Variants in NCOA2 observed in about 807,000 individuals in gnomAD.
NCOA2 encodes the protein nuclear receptor coactivator 2.
In NCOA2, 21 loss-of-function variants were observed where a neutral mutation model predicts 145.1. The ratio of observed to expected loss-of-function variants is 0.14; its 90% CI spans 0.10 to 0.21. NCOA2 has a LOEUF of 0.21. Ranked by LOEUF, NCOA2 falls within the 10% of genes least tolerant of loss-of-function variation. The pLI, the probability that NCOA2 is intolerant of heterozygous loss-of-function variation, is 1.00. For missense variants in NCOA2, 1,472 were observed against 1,837.6 expected (o/e 0.80, Z 3.64); for synonymous variants, 619 against 637.5 (o/e 0.97, Z 0.44).
intron 1 of NCOA2, among the ~76,000 whole-genome samples, chr8:70,343,468 T>A (rs1340946499): frequency 6.6e-6 from 1 of 151,890 alleles, no homozygotes; most frequent in Non-Finnish European, 1.5e-5. Flanking sequence ...TTCTCTTTCA[T>A]TAAGGATCTA....
chr8:70,111,390 C>T lies in NCOA2; in HGVS notation c.*2242G>A. On this transcript the variant is annotated 3_prime_UTR_variant, in exon 23 of 23. Coordinates refer to ENST00000452400, the MANE Select transcript of NCOA2 (RefSeq NM_006540.4). ...TCATTCTAATTCACATATTTCTGAA[C>T]ATTAAAACTGGTCACACTGAATTGT... The T allele has an allele frequency of 4.5e-6, 1 of 222,618 alleles. No individual in the cohort carries two copies. The highest frequency in any genetic ancestry group is 9.0e-6 in the Non-Finnish European group (1 of 111,318). The allele number at this position is 222,618 out of a possible 1,614,324, so 13.8% of individuals were successfully genotyped here.
In NCOA2 at chr8:70,159,242, A is replaced by ATATTTTTTTT; in HGVS notation, c.1124+262_1124+263insAAAAAAAATA. Among the ~76,000 whole-genome samples, 51 of 61,072 alleles carry ATATTTTTTTT rather than the reference A, an allele frequency of 8.4e-4. 1 individual carries two copies. Among genetic ancestry groups the ATATTTTTTTT allele is most frequent in the African/African-American group, 2.7e-3 (50 of 18,494 alleles). 40.1% of individuals were successfully genotyped at this position (61,072 alleles called of 152,430 possible). ...TAACATTATATATATATATATATAT[A>ATATTTTTTTT]TTTTTTTTTTTTTCCCCCAAATATT... On this transcript the variant is annotated intron_variant, in intron 10 of 22. Transcript: ENST00000452400.
the NCOA2 span, among the ~76,000 whole-genome samples, chr8:70,417,617 TC>T: frequency 6.6e-6 from 1 of 152,084 alleles, no homozygotes; most frequent in African/African-American, 2.4e-5. Flanking sequence ...CATTCTGTAT[TC>T]CCCTTGCCCT....
rs762343325 is a variant in NCOA2 at position 70,148,394 on chromosome 8, G to A, written c.2484C>T (p.Gly828=). 1.3e-5 allele frequency: 21 copies of A among 1,613,960 alleles called. No homozygotes were observed. Among genetic ancestry groups the A allele is most frequent in the Admixed American group, 1.7e-5 (1 of 60,032 alleles). ...LPQLFPDTRP[G]APAGSVDKQA... is the part of the protein sequence containing the mutation. ...GCTTGTCAACTGATCCAGCAGGGGC[G>A]CCTGGCCTCGTGTCTGGGAAAAGCT... Residue 828 remains glycine (G), a synonymous_variant, in exon 12 of 23, where the codon GGC becomes GGT. Transcript: ENST00000452400.
chr8:70,446,400 G>A, the NCOA2 span, among the ~76,000 whole-genome samples: 3 of 152,304 alleles, frequency 2.0e-5, no homozygotes, highest in Admixed American at 6.5e-5. Flanking sequence ...GAACTTCACA[G>A]ATTCTTGGTG....
chr8:70,127,108 AGT>A (rs1808500941), intron 18 of NCOA2, 61 bp from the exon 19 acceptor site: 1 of 1,229,298 alleles, frequency 8.1e-7, no homozygotes, highest in Non-Finnish European at 1.2e-6. Flanking sequence ...TAAAAAACAA[AGT>A]GAGTATTATA....
At chr8:70,310,538 G>A (rs1191095477) in intron 1 of NCOA2, among the ~76,000 whole-genome samples, 1 of 152,022 alleles carries the variant, frequency 6.6e-6, no homozygotes, top group Non-Finnish European at 1.5e-5. Context: ...TTCAAGGCAT[G>A]CGTAATGAAT....
At chr8:70,203,662 G>A (rs1326435689) in intron 4 of NCOA2, among the ~76,000 whole-genome samples, 1 of 151,934 alleles carries the variant, frequency 6.6e-6, no homozygotes, top group Non-Finnish European at 1.5e-5. Flanking sequence ...AATAAACAGT[G>A]GTATTTGTGC....
chr8:70,259,928 T>C (rs1261137768), intron 2 of NCOA2, among the ~76,000 whole-genome samples: 1 of 152,220 alleles, frequency 6.6e-6, no homozygotes, highest in African/African-American at 2.4e-5. Flanking sequence ...ACTGAGTCCC[T>C]GATTCGGTGT....
At chr8:70,412,660 A>C in the NCOA2 span, among the ~76,000 whole-genome samples, 1 of 149,238 alleles carries the variant, frequency 6.7e-6, no homozygotes, top group Non-Finnish European at 1.5e-5. Context: ...AAAAAAAAAA[A>C]AAAAAAAAAA....
chr8:70,399,161 T>C (rs966247950), intron 1 of NCOA2, among the ~76,000 whole-genome samples: 31 of 152,340 alleles, frequency 2.0e-4, no homozygotes, highest in African/African-American at 7.2e-4. Context: ...TAAAATTGTA[T>C]TTCATAGCTT....
chr8:70,292,319 AT>A (rs1826756833), intron 2 of NCOA2, among the ~76,000 whole-genome samples: 1 of 151,634 alleles, frequency 6.6e-6, no homozygotes, highest in Admixed American at 6.6e-5. Context: ...TGCCCAGCTA[AT>A]TTTTGTATTT....
intron 1 of NCOA2, among the ~76,000 whole-genome samples, chr8:70,391,034 A>G (rs185196884): frequency 3.3e-5 from 5 of 152,328 alleles, no homozygotes; most frequent in African/African-American, 1.2e-4. Context: ...TAGGAAAGAG[A>G]AAAGGTAAGG....
chr8:70,436,791 C>T, the NCOA2 span, among the ~76,000 whole-genome samples: 4 of 152,164 alleles, frequency 2.6e-5, no homozygotes, highest in Non-Finnish European at 5.9e-5. Context: ...CACTAAGCAG[C>T]ACACATAACC....
In NCOA2 at chr8:70,174,876, T is replaced by G. The variant is rs1051053847; in HGVS notation, c.260-17A>C. The stretch of plus-strand genomic sequence containing the variant: ...CTGCTTTCTCTGCAATAAACATAAG[T>G]GTGAATTAAATGGCAGTGCTATTTC... On this transcript the variant is annotated splice_polypyrimidine_tract_variant and intron_variant, in intron 4 of 22. Coordinates refer to ENST00000452400, the MANE Select transcript of NCOA2 (RefSeq NM_006540.4). 1 of 1,607,006 alleles carries G rather than the reference T, an allele frequency of 6.2e-7. No homozygotes were observed. The highest frequency in any genetic ancestry group is 1.7e-5 in the Admixed American group (1 of 59,968).
intron 10 of NCOA2, among the ~76,000 whole-genome samples, chr8:70,159,243 T>TATATATATATATATATATATG (rs869045939): frequency 1.2e-5 from 1 of 82,084 alleles, no homozygotes; most frequent in Non-Finnish European, 2.3e-5. Flanking sequence ...TATATATATA[T>TATATATATATATATATATATG]TTTTTTTTTT....
the NCOA2 span, among the ~76,000 whole-genome samples, chr8:70,418,693 T>C: frequency 2.8e-4 from 42 of 152,318 alleles, no homozygotes; most frequent in Non-Finnish European, 5.6e-4. Flanking sequence ...GTTATAGATA[T>C]GCCTTCCCTG....
intron 1 of NCOA2, among the ~76,000 whole-genome samples, chr8:70,389,691 G>A (rs543516437): frequency 3.3e-5 from 5 of 151,734 alleles, no homozygotes; most frequent in East Asian, 3.9e-4. Flanking sequence ...TTTAGACGGC[G>A]GAGTTTTGCT....
At chr8:70,180,112 G>C (rs924493526) in intron 4 of NCOA2, among the ~76,000 whole-genome samples, 2 of 152,032 alleles carry the variant, frequency 1.3e-5, no homozygotes, top group Non-Finnish European at 2.9e-5. Flanking sequence ...TAAAGACCAC[G>C]ACCTAAGAAA....
Sources: gnomAD v4.1 joint callset for allele counts (sites outside exome capture counted in the v4.1 genomes callset) on GRCh38, gnomAD v4.1.1 for gene constraint, MANE v1.5 for transcripts, NCBI Gene and HGNC (gene_info 2026-07-23, HGNC 2026-07-21) for gene names.